FUT8: variants seen among roughly 807,000 people sequenced by gnomAD.
FUT8 encodes alpha-(1,6)-fucosyltransferase.
A neutral mutation model predicts 71.3 loss-of-function variants in FUT8; 29 were observed. The observed-to-expected ratio is 0.41, with a 90% confidence interval of 0.30 to 0.55. FUT8 has a LOEUF of 0.55. FUT8 is among the 20% of genes least tolerant of loss of function. The pLI, the probability that FUT8 is intolerant of heterozygous loss-of-function variation, is 0.34. For synonymous variants in FUT8, 254 were observed against 239.3 expected (o/e 1.06, Z -0.57); for missense variants, 544 against 702.1 (o/e 0.77, Z 2.55).
chr14:65,677,151 T>TGTGTGTGTGC lies in FUT8; in HGVS notation c.835+7672_835+7673insTGTGTGTGCG. ...GTGTGTGTGTGTGTGTGTGTGTGTG[T>TGTGTGTGTGC]GCGCGCGCGCATGCGCGCGCACGTA... is the stretch of plus-strand genomic sequence containing the variant. On this transcript the variant is annotated intron_variant, in intron 7 of 10. Coordinates refer to ENST00000673929, the MANE Select transcript of FUT8 (RefSeq NM_001371533.1). Among the ~76,000 whole-genome samples the TGTGTGTGTGC allele has an allele frequency of 9.7e-3, 1,071 of 110,636 alleles. 5 individuals carry two copies. Among genetic ancestry groups the TGTGTGTGTGC allele is most frequent in the African/African-American group, 0.013 (331 of 26,284 alleles). 72.6% of individuals were successfully genotyped at this position (110,636 alleles called of 152,430 possible). A position where few individuals can be genotyped will look rare whatever the true frequency, so the allele number is the denominator to read the frequency against.
intron 7 of FUT8, among the ~76,000 whole-genome samples, chr14:65,687,606 A>G (rs1893357760): frequency 6.6e-6 from 1 of 152,216 alleles, no homozygotes; most frequent in African/African-American, 2.4e-5. Flanking sequence ...TTGAATGAAT[A>G]TATTTTTAAA....
the FUT8 span, among the ~76,000 whole-genome samples, chr14:65,387,679 C>T: frequency 1.3e-5 from 2 of 152,200 alleles, no homozygotes; most frequent in African/African-American, 4.8e-5. Flanking sequence ...GTTTCTCTTG[C>T]CTGTGCTGTA....
intron 2 of FUT8, among the ~76,000 whole-genome samples, chr14:65,551,330 T>C (rs1419124900): frequency 6.6e-6 from 1 of 152,220 alleles, no homozygotes; most frequent in Non-Finnish European, 1.5e-5. Flanking sequence ...TAAATGGTAC[T>C]GCATTTTTTG....
chr14:65,533,807 C>A (rs1392304067), intron 2 of FUT8, among the ~76,000 whole-genome samples: 1 of 152,050 alleles, frequency 6.6e-6, no homozygotes, highest in Non-Finnish European at 1.5e-5. Flanking sequence ...TCCTTCAATA[C>A]CTAGTTCATT....
chr14:65,671,394 A>G (rs1207077523), intron 7 of FUT8, among the ~76,000 whole-genome samples: 1 of 152,162 alleles, frequency 6.6e-6, no homozygotes, highest in Non-Finnish European at 1.5e-5. Context: ...AGAATTTCTT[A>G]ATGTTACAAC....
chr14:65,612,409 AT>A (rs1889047916), intron 3 of FUT8, among the ~76,000 whole-genome samples: 1 of 152,144 alleles, frequency 6.6e-6, no homozygotes, highest in African/African-American at 2.4e-5. Context: ...GGCTGATAGG[AT>A]CAGGAACTGT....
At chr14:65,443,153 G>T (rs901223008) in intron 1 of FUT8, among the ~76,000 whole-genome samples, 1 of 151,764 alleles carries the variant, frequency 6.6e-6, no homozygotes, top group African/African-American at 2.4e-5. Flanking sequence ...GCTCACGCCT[G>T]TAATCCCAGC....
intron 6 of FUT8, among the ~76,000 whole-genome samples, chr14:65,668,826 A>G (rs925650746): frequency 2.0e-5 from 3 of 152,342 alleles, no homozygotes; most frequent in South Asian, 2.1e-4. Flanking sequence ...TGGCACATAT[A>G]TATCATGGAA....
intron 9 of FUT8, among the ~76,000 whole-genome samples, chr14:65,724,716 T>G (rs1441553392): frequency 6.6e-6 from 1 of 152,170 alleles, no homozygotes; most frequent in Non-Finnish European, 1.5e-5. Context: ...GCTGGGAAAT[T>G]CAAGATCAAG....
intron 2 of FUT8, among the ~76,000 whole-genome samples, chr14:65,559,705 C>T (rs28370375): frequency 0.01 from 1,584 of 152,150 alleles, 29 homozygotes; most frequent in African/African-American, 0.037. Context: ...AGAATGAATT[C>T]ACTTCTTATT....
At chr14:65,525,824 G>A (rs376023937) in intron 2 of FUT8, among the ~76,000 whole-genome samples, 5 of 152,210 alleles carry the variant, frequency 3.3e-5, no homozygotes, top group African/African-American at 1.2e-4. Flanking sequence ...TACGTACCCA[G>A]TAGTCATTCA....
the FUT8 span, among the ~76,000 whole-genome samples, chr14:65,389,172 CAT>C: frequency 4.9e-5 from 7 of 143,524 alleles, no homozygotes; most frequent in African/African-American, 1.6e-4. Context: ...TATATATATA[CAT>C]ATATATATAA....
intron 7 of FUT8, among the ~76,000 whole-genome samples, chr14:65,721,209 A>G (rs1374321068): frequency 1.3e-5 from 2 of 151,390 alleles, no homozygotes; most frequent in Admixed American, 1.3e-4. Flanking sequence ...TGAGGCTTCT[A>G]TTCAGCCATC....
chr14:65,493,375 G>C (rs926945540), intron 2 of FUT8, among the ~76,000 whole-genome samples: 6 of 151,914 alleles, frequency 3.9e-5, no homozygotes, highest in Non-Finnish European at 8.8e-5. Context: ...CTGTTATTCT[G>C]TATTCTTTTC....
the FUT8 span, among the ~76,000 whole-genome samples, chr14:65,384,937 G>A: frequency 1.3e-5 from 2 of 150,190 alleles, no homozygotes; most frequent in Admixed American, 6.7e-5. The surrounding 1 kb of genome is among the most constrained non-coding windows in gnomAD (Gnocchi z 4.2). Flanking sequence ...TGTTGCCCAG[G>A]CTGGAGTGCA....
the FUT8 span, among the ~76,000 whole-genome samples, chr14:65,382,015 C>T: frequency 6.6e-6 from 1 of 152,202 alleles, no homozygotes; most frequent in Non-Finnish European, 1.5e-5. Context: ...AAACTGTGTT[C>T]CCAGAGATCT....
At chr14:65,407,087 T>A (rs2065091297), upstream of FUT8, among the ~76,000 whole-genome samples, 1 of 152,154 alleles carries the variant, frequency 6.6e-6, no homozygotes, top group South Asian at 2.1e-4. Context: ...TAGGTGACCT[T>A]CAAACTGGGG....
chr14:65,358,144 G>T, the FUT8 span, among the ~76,000 whole-genome samples: 11 of 152,284 alleles, frequency 7.2e-5, no homozygotes, highest in Middle Eastern at 3.4e-3. Flanking sequence ...ACTGTAACTA[G>T]TAACGATGCA....
chr14:65,615,882 T>TA lies in FUT8; in HGVS notation c.204-95dup, dbSNP rs1381100854. The TA allele has an allele frequency of 9.8e-6, 8 of 816,432 alleles. No individual in the cohort carries two copies. The Admixed American group carries it at 2.2e-4, about 23-fold the overall frequency. 50.6% of individuals were successfully genotyped at this position (816,432 alleles called of 1,614,324 possible). A position where few individuals can be genotyped will look rare whatever the true frequency, so the allele number is the denominator to read the frequency against. ...TTTTGTGCTATATGGTTCAACAACTTATGGAGTTTACAGTATAAATGTTTT... is the reference window on the plus strand; with the variant it reads ...TTTTGTGCTATATGGTTCAACAACTTAATGGAGTTTACAGTATAAATGTTTT... On this transcript the variant is annotated intron_variant, in intron 3 of 10. Transcript: ENST00000673929.
Sources: allele counts gnomAD v4.1 joint callset (sites outside exome capture counted in the v4.1 genomes callset), GRCh38; gene constraint gnomAD v4.1.1; non-coding constraint Gnocchi (gnomAD v3.1); transcripts MANE v1.5; gene names NCBI Gene and HGNC (gene_info 2026-07-23, HGNC 2026-07-21).